Variants in SMURF2 observed in about 807,000 individuals in gnomAD.
The protein encoded by SMURF2 is SMAD specific E3 ubiquitin protein ligase 2.
Under a neutral mutation model 109.6 loss-of-function variants are expected in SMURF2, and 48 were observed. That is an observed-to-expected ratio of 0.44 (90% CI 0.35 to 0.56). The LOEUF (loss-of-function observed/expected upper bound fraction) is 0.56. Among genes scored for constraint, SMURF2 ranks in the 20% least tolerant of loss-of-function variants. SMURF2 has a pLI of 0.01. For synonymous variants in SMURF2, 288 were observed against 317.1 expected (o/e 0.91, Z 0.97); for missense variants, 575 against 909.0 (o/e 0.63, Z 4.72).
chr17:64,602,714 G>A (rs1315826340), intron 2 of SMURF2, among the ~76,000 whole-genome samples: 2 of 152,060 alleles, frequency 1.3e-5, no homozygotes, highest in African/African-American at 2.4e-5. Context: ...GGATCACGAG[G>A]TCACGAGTTC....
At chr17:64,647,245 G>A (rs1260956642) in intron 1 of SMURF2, among the ~76,000 whole-genome samples, 1 of 151,182 alleles carries the variant, frequency 6.6e-6, no homozygotes, top group Admixed American at 6.6e-5. Flanking sequence ...TACAATTAGG[G>A]GTTAACTAAG....
chr17:64,557,965 C>T (rs1417681873), intron 12 of SMURF2, among the ~76,000 whole-genome samples: 1 of 152,078 alleles, frequency 6.6e-6, no homozygotes, highest in Admixed American at 6.6e-5. Context: ...ATTTTAGCAT[C>T]AAAGAGTATA....
chr17:64,606,724 C>A, intron 1 of SMURF2, 84 bp from the exon 2 acceptor site: 1 of 989,678 alleles, frequency 1.0e-6, no homozygotes, highest in Non-Finnish European at 1.5e-6. Context: ...CGGAAAACAG[C>A]AGTGAATAGT....
chr17:64,572,614 A>T (rs1012508754), intron 9 of SMURF2, among the ~76,000 whole-genome samples: 1 of 152,228 alleles, frequency 6.6e-6, no homozygotes, highest in African/African-American at 2.4e-5. Flanking sequence ...TATATTATAC[A>T]TTCTTAAAAT....
intron 1 of SMURF2, among the ~76,000 whole-genome samples, chr17:64,619,055 A>C (rs1970162849): frequency 6.6e-6 from 1 of 152,204 alleles, no homozygotes; most frequent in South Asian, 2.1e-4. Context: ...TTAAAGATTA[A>C]ACAAATTGAA....
At chr17:64,559,397 C>T (rs1025794442) in intron 12 of SMURF2, among the ~76,000 whole-genome samples, 1 of 151,960 alleles carries the variant, frequency 6.6e-6, no homozygotes, top group Non-Finnish European at 1.5e-5. Flanking sequence ...AGATTGAGAC[C>T]AGCATGGCCA....
At chr17:64,613,901 G>C (rs1185727553) in intron 1 of SMURF2, among the ~76,000 whole-genome samples, 1 of 152,024 alleles carries the variant, frequency 6.6e-6, no homozygotes, top group Non-Finnish European at 1.5e-5. Flanking sequence ...CCCTGAGCTT[G>C]TTTTCCTGCA....
Position 64,544,674 on chromosome 17 carries a change from A to G in SMURF2, c.*1174T>C. The G allele has an allele frequency of 6.6e-6, 1 of 152,194 alleles. No homozygotes were observed. The highest frequency in any genetic ancestry group is 1.9e-4 in the East Asian group (1 of 5,194). The allele number at this position is 152,194 out of a possible 1,614,324, so 9.4% of individuals were successfully genotyped here. ...TGAACTCTTCAAAGTAATTTACGCC[A>G]TAGAGTTAGAATCACTGTTCATACT... On this transcript the variant is annotated 3_prime_UTR_variant, in exon 19 of 19. Transcript: ENST00000262435.
At chr17:64,635,362 T>C (rs1970402831) in intron 1 of SMURF2, among the ~76,000 whole-genome samples, 1 of 152,050 alleles carries the variant, frequency 6.6e-6, no homozygotes. Flanking sequence ...TCACATAACA[T>C]GAAAATCACC....
chr17:64,582,606 G>A (rs968988271), intron 7 of SMURF2, among the ~76,000 whole-genome samples: 3 of 151,778 alleles, frequency 2.0e-5, no homozygotes, highest in East Asian at 3.9e-4. Context: ...TATTTTATTT[G>A]TTTTATTTTT....
At chr17:64,587,052 T>C (rs565843593) in intron 5 of SMURF2, among the ~76,000 whole-genome samples, 2 of 152,200 alleles carry the variant, frequency 1.3e-5, no homozygotes, top group South Asian at 4.1e-4. Flanking sequence ...TGCGTGCACC[T>C]GCAGTCCCAG....
At chr17:64,592,849 G>C (rs1194692579) in intron 4 of SMURF2, among the ~76,000 whole-genome samples, 7 of 152,170 alleles carry the variant, frequency 4.6e-5, no homozygotes, top group African/African-American at 1.7e-4. Flanking sequence ...AAATCCTCAG[G>C]CTGATGATAA....
chr17:64,657,944 A>G (rs964219827), intron 1 of SMURF2, among the ~76,000 whole-genome samples: 1 of 152,206 alleles, frequency 6.6e-6, no homozygotes, highest in African/African-American at 2.4e-5. Flanking sequence ...AGAGGGTCAG[A>G]CTAGAAGACA....
intron 1 of SMURF2, among the ~76,000 whole-genome samples, chr17:64,644,289 C>T (rs187544625): frequency 9.9e-5 from 15 of 152,180 alleles, no homozygotes; most frequent in African/African-American, 3.6e-4. Context: ...TCAGCTATGT[C>T]TTAAAACTGG....
At chr17:64,619,464 C>T (rs1473726945) in intron 1 of SMURF2, among the ~76,000 whole-genome samples, 4 of 111,864 alleles carry the variant, frequency 3.6e-5, no homozygotes, top group Non-Finnish European at 5.0e-5. Flanking sequence ...GGTGACACGG[C>T]GAGACTCTTG....
At chr17:64,552,633 G>A (rs1555683715) in intron 15 of SMURF2, among the ~76,000 whole-genome samples, 1 of 152,190 alleles carries the variant, frequency 6.6e-6, no homozygotes, top group East Asian at 1.9e-4. Context: ...TCCAGGGACT[G>A]AGTAGGACAC....
At position 64,662,125 on chromosome 17, in the gene SMURF2, C is replaced by CCGCCCGCGCCGCCTCCGCCCG. The variant is rs1208941862; in HGVS notation, c.-266_-246dup. 18 of 1,037,878 alleles carry CCGCCCGCGCCGCCTCCGCCCG rather than the reference C, an allele frequency of 1.7e-5. No homozygotes were observed. Among genetic ancestry groups the CCGCCCGCGCCGCCTCCGCCCG allele is most frequent in the Admixed American group, 1.1e-4 (2 of 17,754 alleles). The allele number at this position is 1,037,878 out of a possible 1,614,324, so 64.3% of individuals were successfully genotyped here. ...CCGCACAACAAAGCGGCAGCCGCGG[C>CCGCCCGCGCCGCCTCCGCCCG]CGCCCGCGCCGCCTCCGCCCGCGCC... On this transcript the variant is annotated 5_prime_UTR_variant, in exon 1 of 19. Coordinates refer to ENST00000262435, the MANE Select transcript of SMURF2 (RefSeq NM_022739.4).
intron 1 of SMURF2, among the ~76,000 whole-genome samples, chr17:64,620,173 C>T (rs1187238954): frequency 6.6e-6 from 1 of 152,142 alleles, no homozygotes. Context: ...AGATTATAGC[C>T]GGTTATCACA....
In SMURF2 at chr17:64,569,579, A is replaced by T. The variant is rs545655507; in HGVS notation, c.1016+2219T>A. Among the ~76,000 whole-genome samples the T allele has an allele frequency of 5.9e-5, 9 of 152,302 alleles. No individual in the cohort carries two copies. In the South Asian group the frequency reaches 1.0e-3, roughly 18 times the overall value. On this transcript the variant is annotated intron_variant, in intron 10 of 18. Coordinates refer to ENST00000262435, the MANE Select transcript of SMURF2 (RefSeq NM_022739.4). ...AACAGGAAATCCAAATAGTCAATAA[A>T]CCTATAAAAAGGTGCTCAACCTCAT...
Sources: allele counts gnomAD v4.1 joint callset (sites outside exome capture counted in the v4.1 genomes callset), GRCh38; gene constraint gnomAD v4.1.1; transcripts MANE v1.5; gene names NCBI Gene and HGNC (gene_info 2026-07-23, HGNC 2026-07-21).